The following ABHD18 variants were observed in gnomAD, a reference collection of about 807,000 sequenced individuals.
The protein encoded by ABHD18 is abhydrolase domain containing 18.
A neutral mutation model predicts 65.9 loss-of-function variants in ABHD18; 55 were observed. That is an observed-to-expected ratio of 0.84 (90% confidence interval 0.67 to 1.05). The LOEUF (loss-of-function observed/expected upper bound fraction) is 1.05. ABHD18 is among the 50% of genes least tolerant of loss of function. The pLI, the probability that ABHD18 is intolerant of heterozygous loss-of-function variation, is 0.00. For synonymous variants in ABHD18, 181 were observed against 180.2 expected (o/e 1.00, Z -0.04); for missense variants, 533 against 558.5 (o/e 0.95, Z 0.46).
At chr4:127,969,562 T>C (rs78929843) in intron 1 of ABHD18, among the ~76,000 whole-genome samples, 2,198 of 152,296 alleles carry the variant, frequency 0.014, 63 homozygotes, top group African/African-American at 0.05. Flanking sequence ...TATAGTACTT[T>C]ACAAAATATT....
intron 4 of ABHD18, among the ~76,000 whole-genome samples, chr4:127,990,748 T>C (rs1323528718): frequency 6.6e-6 from 1 of 152,200 alleles, no homozygotes; most frequent in African/African-American, 2.4e-5. Flanking sequence ...AGTTTGAGAA[T>C]GTAAATAGAT....
intron 1 of ABHD18, among the ~76,000 whole-genome samples, chr4:127,970,904 G>A (rs998353579): frequency 5.3e-5 from 8 of 151,828 alleles, no homozygotes; most frequent in African/African-American, 1.9e-4. Flanking sequence ...GTAAAACACT[G>A]TCTCTACTAA....
intron 10 of ABHD18, among the ~76,000 whole-genome samples, chr4:128,024,930 G>C (rs1303171492): frequency 6.6e-6 from 1 of 152,050 alleles, no homozygotes; most frequent in Non-Finnish European, 1.5e-5. Context: ...GGCCTGAGGT[G>C]ATCCTCCCAC....
intron 4 of ABHD18, among the ~76,000 whole-genome samples, chr4:127,999,251 T>G (rs951602019): frequency 6.6e-6 from 1 of 151,930 alleles, no homozygotes; most frequent in African/African-American, 2.4e-5. Context: ...GCCACTGCAC[T>G]CCAGCCTGGG....
intron 8 of ABHD18, among the ~76,000 whole-genome samples, chr4:128,018,286 A>G (rs1024284251): frequency 6.6e-6 from 1 of 152,198 alleles, no homozygotes; most frequent in Non-Finnish European, 1.5e-5. Flanking sequence ...TACTTGGCAC[A>G]TATTAGTCAC....
chr4:127,980,949 T>C (rs1442777948), intron 1 of ABHD18, among the ~76,000 whole-genome samples: 3 of 152,110 alleles, frequency 2.0e-5, no homozygotes, highest in East Asian at 3.9e-4. Flanking sequence ...AAAAACAGTA[T>C]TTAATTTTTT....
At chr4:127,979,161 T>C (rs917962842) in intron 1 of ABHD18, among the ~76,000 whole-genome samples, 1 of 152,202 alleles carries the variant, frequency 6.6e-6, no homozygotes, top group East Asian at 1.9e-4. Context: ...ATGAGGTGGA[T>C]CTGTATACCC....
intron 4 of ABHD18, among the ~76,000 whole-genome samples, chr4:128,004,851 A>G (rs1753325817): frequency 6.6e-6 from 1 of 151,916 alleles, no homozygotes; most frequent in South Asian, 2.1e-4. Context: ...TGGAGGTTGC[A>G]GTGAGCTGAG....
chr4:127,997,185 A>C (rs1020817222), intron 4 of ABHD18, among the ~76,000 whole-genome samples: 2 of 152,250 alleles, frequency 1.3e-5, no homozygotes, highest in Non-Finnish European at 2.9e-5. Flanking sequence ...TAATTTTGGG[A>C]ACTGATAAAT....
chr4:128,012,854 T>C (rs1754804292), intron 7 of ABHD18, among the ~76,000 whole-genome samples: 1 of 151,662 alleles, frequency 6.6e-6, no homozygotes, highest in South Asian at 2.1e-4. Flanking sequence ...TCACTTGGTG[T>C]CAGTAGTTCG....
At chr4:127,996,376 T>G (rs1222302574) in intron 4 of ABHD18, among the ~76,000 whole-genome samples, 1 of 151,908 alleles carries the variant, frequency 6.6e-6, no homozygotes, top group African/African-American at 2.4e-5. Flanking sequence ...TGTCATCACA[T>G]ATTGGTAGGA....
At chr4:127,972,520 CTTTTTTTTTTT>C (rs11286287) in intron 1 of ABHD18, among the ~76,000 whole-genome samples, 4 of 60,872 alleles carry the variant, frequency 6.6e-5, no homozygotes, top group Non-Finnish European at 1.2e-4. Context: ...CAGATATACT[CTTTTTTTTTTT>C]TTTTTTTTTT....
At chr4:128,018,785 G>C (rs561410075) in intron 8 of ABHD18, among the ~76,000 whole-genome samples, 1 of 151,982 alleles carries the variant, frequency 6.6e-6, no homozygotes, top group Non-Finnish European at 1.5e-5. Context: ...AGGCCGAGGC[G>C]GGCAGATCAC....
intron 10 of ABHD18, 73 bp from the exon 11 acceptor site, chr4:128,028,402 C>CTT: frequency 2.4e-5 from 24 of 1,011,224 alleles, no homozygotes; most frequent in South Asian, 5.0e-5. Context: ...TGTCTTTTCT[C>CTT]TTTTTTTTTT....
At chr4:127,982,837 A>G (rs1221147098) in intron 1 of ABHD18, 102 bp from the exon 2 acceptor site, 3 of 611,882 alleles carry the variant, frequency 4.9e-6, no homozygotes, top group African/African-American at 3.8e-5. Flanking sequence ...ATTCGTCTCA[A>G]TCTTTAATTT....
rs767548321 is a variant in ABHD18, at chr4:128,020,066, C to A, written c.610-14C>A. On this transcript the variant is annotated splice_polypyrimidine_tract_variant and intron_variant, in intron 8 of 12. Transcript: ENST00000645843. ...GAAACTCTAAATAGACGCTCTCTAT[C>A]TGTTATATTACAGATGGCTTCCTTA... 3.2e-6 allele frequency: 5 copies of A among 1,568,830 alleles called. No homozygotes were observed. In the Admixed American group the frequency reaches 5.1e-5, roughly 16 times the overall value.
chr4:127,975,525 T>C (rs1157889104), intron 1 of ABHD18, among the ~76,000 whole-genome samples: 1 of 152,174 alleles, frequency 6.6e-6, no homozygotes, highest in Non-Finnish European at 1.5e-5. Flanking sequence ...TGTGTGTGTG[T>C]TTGTGGTTGT....
intron 4 of ABHD18, among the ~76,000 whole-genome samples, chr4:127,993,313 CTG>C (rs1386056910): frequency 6.6e-6 from 1 of 152,168 alleles, no homozygotes; most frequent in South Asian, 2.1e-4. Context: ...TCCTCAACAT[CTG>C]TTGGAAATTG....
intron 4 of ABHD18, among the ~76,000 whole-genome samples, chr4:128,008,038 T>C (rs1011948006): frequency 4.6e-5 from 7 of 151,270 alleles, no homozygotes; most frequent in African/African-American, 1.7e-4. Context: ...CTGAGGCGGG[T>C]GGATCACAAG....
Sources: allele counts gnomAD v4.1 joint callset (sites outside exome capture counted in the v4.1 genomes callset), GRCh38; gene constraint gnomAD v4.1.1; transcripts MANE v1.5; gene names NCBI Gene and HGNC (gene_info 2026-07-23, HGNC 2026-07-21).